FUT8: variants seen among roughly 807,000 people sequenced by gnomAD.
The protein encoded by FUT8 is fucosyltransferase 8.
FUT8 carries 29 observed loss-of-function variants against 71.3 expected under a neutral mutation model. The observed-to-expected ratio is 0.41, with a 90% CI of 0.30 to 0.55. The LOEUF is 0.55. Ranked by LOEUF, FUT8 falls within the 20% of genes least tolerant of loss-of-function variation. The pLI, the probability that FUT8 is intolerant of heterozygous loss-of-function variation, is 0.34. For missense variants in FUT8, 544 were observed against 702.1 expected, an observed-to-expected ratio of 0.77 and a Z score of 2.55; for synonymous variants, 254 against 239.3, an observed-to-expected ratio of 1.06 and a Z score of -0.57.
intron 5 of FUT8, among the ~76,000 whole-genome samples, chr14:65,624,874 G>A (rs1889812897): frequency 1.3e-5 from 2 of 152,170 alleles, no homozygotes; most frequent in Non-Finnish European, 2.9e-5. Context: ...AGACAAGCCT[G>A]ACCAACATGG....
At chr14:65,678,759 A>C (rs776306794) in intron 7 of FUT8, among the ~76,000 whole-genome samples, 9 of 152,172 alleles carry the variant, frequency 5.9e-5, no homozygotes, top group Non-Finnish European at 2.9e-5. Flanking sequence ...TTCATTTAAA[A>C]GTCTTTTTTT....
At chr14:65,630,398 A>G (rs1047076100) in intron 6 of FUT8, among the ~76,000 whole-genome samples, 2 of 152,084 alleles carry the variant, frequency 1.3e-5, no homozygotes, top group Non-Finnish European at 2.9e-5. Flanking sequence ...GTAAGAAAAT[A>G]ATTTATTTTT....
intron 7 of FUT8, among the ~76,000 whole-genome samples, chr14:65,688,930 C>T (rs902778577): frequency 3.3e-5 from 5 of 152,160 alleles, no homozygotes; most frequent in African/African-American, 1.2e-4. Context: ...GTCTCTTCCT[C>T]TTCTTCTGAG....
At position 65,497,242 on chromosome 14, in the gene FUT8, G is replaced by A. The variant is rs1256131925; in HGVS notation, c.-228+41524G>A. 2.6e-5 allele frequency among the ~76,000 whole-genome samples: 4 copies of A among 152,178 alleles called. No homozygotes were observed. In the East Asian group the frequency reaches 7.7e-4, roughly 29 times the overall value. On this transcript the variant is annotated intron_variant, in intron 2 of 10. Transcript: ENST00000673929. ...TTGATGTTCCTAAGATGAAAGATGG[G>A]AATGGGCATTTTGATCAGATCTGAA... is the stretch of plus-strand genomic sequence containing the variant.
chr14:65,716,873 T>C (rs1198388426), intron 7 of FUT8, among the ~76,000 whole-genome samples: 173 of 84,194 alleles, frequency 2.1e-3, no homozygotes, highest in South Asian at 3.0e-3. Context: ...GAGGCGCTCC[T>C]CACCTCCCAG....
chr14:65,430,381 T>G (rs1187327933), intron 1 of FUT8: 1 of 152,162 alleles, frequency 6.6e-6, no homozygotes, highest in Non-Finnish European at 1.5e-5. Flanking sequence ...AAAGTCCCAC[T>G]GAATTTTTAA....
chr14:65,657,613 C>G (rs1891747660), intron 6 of FUT8, among the ~76,000 whole-genome samples: 1 of 151,836 alleles, frequency 6.6e-6, no homozygotes, highest in Non-Finnish European at 1.5e-5. Context: ...TTTGTGGGAG[C>G]TAAAAATTAA....
Position 65,671,793 on chromosome 14 carries a change from T to C in FUT8, c.835+2313T>C, listed in dbSNP as rs1003195388. On this transcript the variant is annotated intron_variant, in intron 7 of 10. Transcript: ENST00000673929. ...TATCTGCTTATTTACATTATCTATA[T>C]ATGTGCCCTTTAGAGAAACTATTGA... Among the ~76,000 whole-genome samples, 3 of 152,348 alleles carry C rather than the reference T, an allele frequency of 2.0e-5. No homozygotes were observed. In the East Asian group the frequency reaches 5.8e-4, roughly 29 times the overall value.
At chr14:65,471,392 G>T (rs1254087661) in intron 2 of FUT8, among the ~76,000 whole-genome samples, 1 of 151,938 alleles carries the variant, frequency 6.6e-6, no homozygotes, top group African/African-American at 2.4e-5. Flanking sequence ...AAAGTTCCTG[G>T]CGTATTTCAA....
intron 1 of FUT8, among the ~76,000 whole-genome samples, chr14:65,439,954 G>GTGTGTACGTATATATATA: frequency 1.1e-4 from 8 of 74,984 alleles, no homozygotes; most frequent in Admixed American, 4.9e-4. Flanking sequence ...GTGTGTGTGT[G>GTGTGTACGTATATATATA]TATATATATA....
rs893059266 is a variant in FUT8, at chr14:65,732,454, G to T, written c.1260-777G>T. The stretch of plus-strand genomic sequence containing the variant: ...AAGACAAACATGTAAACTGACTCCT[G>T]ATGCTTCAGGGTTTCTATATAAGAA... On this transcript the variant is annotated intron_variant, in intron 9 of 10. Coordinates refer to ENST00000673929, the MANE Select transcript of FUT8 (RefSeq NM_001371533.1). Among the ~76,000 whole-genome samples the T allele has an allele frequency of 2.6e-5, 4 of 152,326 alleles. No individual in the cohort carries two copies. In the South Asian group the frequency reaches 8.3e-4, roughly 32 times the overall value.
chr14:65,629,489 C>A lies in FUT8; in HGVS notation c.483-3C>A, dbSNP rs1305169378. The A allele has an allele frequency of 1.2e-6, 2 of 1,600,150 alleles. No homozygotes were observed. The highest frequency in any genetic ancestry group is 3.3e-5 in the Admixed American group (2 of 59,834). On this transcript the variant is annotated splice_region_variant and splice_polypyrimidine_tract_variant and intron_variant, in intron 5 of 10. Transcript: ENST00000673929. ...CGATCTCCATTGTTGTTTGTTTTAA[C>A]AGGTCTATAATGACGGATCTATACT...
intron 2 of FUT8, among the ~76,000 whole-genome samples, chr14:65,507,590 G>T (rs572462531): frequency 2.6e-5 from 4 of 152,104 alleles, no homozygotes; most frequent in South Asian, 2.1e-4. Flanking sequence ...TTCACTTAAC[G>T]CAGTGACCTC....
rs185552333 is a variant in FUT8, at chr14:65,722,059, A to T, written c.1082+38A>T. ...TTTTTTCCCTCAAACTGTGATATGT[A>T]GTAGTTAGGGTTATGTATCTTTACA... is the stretch of plus-strand genomic sequence containing the variant. On this transcript the variant is annotated intron_variant, in intron 8 of 10. Transcript: ENST00000673929. The T allele has an allele frequency of 6.6e-4, 1,056 of 1,607,258 alleles. 6 individuals carry two copies. The highest frequency in any genetic ancestry group is 1.0e-3 in the Middle Eastern group (6 of 5,808).
chr14:65,710,100 G>A (rs1301762377), intron 7 of FUT8, among the ~76,000 whole-genome samples: 7 of 151,958 alleles, frequency 4.6e-5, no homozygotes, highest in Admixed American at 6.6e-5. Context: ...CTTTTTAACC[G>A]AACTTCAGCT....
chr14:65,473,945 A>C (rs2066188959), intron 2 of FUT8, among the ~76,000 whole-genome samples: 1 of 152,182 alleles, frequency 6.6e-6, no homozygotes, highest in Non-Finnish European at 1.5e-5. Context: ...GTATATGTAC[A>C]CCATGTAATA....
At chr14:65,677,133 T>TGTGTGC (rs1182837800) in intron 7 of FUT8, among the ~76,000 whole-genome samples, 1 of 106,402 alleles carries the variant, frequency 9.4e-6, no homozygotes, top group African/African-American at 3.4e-5. Flanking sequence ...TGTGTGTGTG[T>TGTGTGC]GTGTGTGTGT....
intron 1 of FUT8, among the ~76,000 whole-genome samples, chr14:65,415,534 C>T (rs1457226724): frequency 6.6e-6 from 1 of 152,110 alleles, no homozygotes; most frequent in African/African-American, 2.4e-5. Context: ...ATTCTTGACC[C>T]ATTGTACATG....
At chr14:65,541,265 A>G (rs1566812228) in intron 2 of FUT8, among the ~76,000 whole-genome samples, 1 of 152,244 alleles carries the variant, frequency 6.6e-6, no homozygotes, top group Non-Finnish European at 1.5e-5. Flanking sequence ...AACAGTACCA[A>G]TAGGGTATAA....
Sources: allele counts gnomAD v4.1 joint callset (sites outside exome capture counted in the v4.1 genomes callset), GRCh38; gene constraint gnomAD v4.1.1; transcripts MANE v1.5; gene names NCBI Gene and HGNC (gene_info 2026-07-23, HGNC 2026-07-21).